The following HIP1R variants were observed in gnomAD, a reference collection of about 807,000 sequenced individuals.
HIP1R encodes the protein huntingtin-interacting protein 1-related protein.
HIP1R carries 135 observed loss-of-function variants against 144.2 expected under a neutral mutation model. The observed-to-expected ratio is 0.94, with a 90% CI of 0.81 to 1.08. The LOEUF is 1.08. Among genes scored for constraint, HIP1R ranks in the 50% least tolerant of loss-of-function variants. The pLI is 0.00. For missense variants in HIP1R, 1,462 were observed against 1,432.8 expected (o/e 1.02, Z -0.33); for synonymous variants, 698 against 612.8 (o/e 1.14, Z -2.05).
At position 122,851,364 on chromosome 12, in the gene HIP1R, G is replaced by GA; in HGVS notation, c.577+73dup. ...TAAGTCCCCAGAGATGGGACGAGAAGAAAAAAGAAGACATGAGTGATCAGA... is the reference window on the plus strand; with the variant it reads ...TAAGTCCCCAGAGATGGGACGAGAAGAAAAAAAGAAGACATGAGTGATCAGA... On this transcript the variant is annotated intron_variant, in intron 7 of 31. Transcript: ENST00000253083. The GA allele has an allele frequency of 4.5e-6, 6 of 1,330,286 alleles. 1 individual carries two copies. In the South Asian group the frequency reaches 9.3e-5, roughly 21 times the overall value. 82.4% of individuals were successfully genotyped at this position (1,330,286 alleles called of 1,614,324 possible).
At chr12:122,843,362 C>T (rs1010783449) in intron 1 of HIP1R, among the ~76,000 whole-genome samples, 6 of 152,206 alleles carry the variant, frequency 3.9e-5, no homozygotes, top group African/African-American at 1.2e-4. Flanking sequence ...CCACCTGCTC[C>T]GAGGTTCCTT....
chr12:122,847,120 C>T (rs927560888), intron 1 of HIP1R, among the ~76,000 whole-genome samples: 3 of 152,188 alleles, frequency 2.0e-5, no homozygotes, highest in African/African-American at 7.2e-5. Flanking sequence ...CTGGACAGCT[C>T]TTCTCAGGTC....
In HIP1R at chr12:122,860,770, G is replaced by T. The variant is rs753415008; in HGVS notation, c.2752G>T (p.Val918Leu). Residue 918 changes from valine to leucine, a missense_variant, in exon 28 of 32, where the codon GTG becomes TTG. Val to Leu is a conservative substitution (Grantham distance 32). Coordinates refer to ENST00000253083, the MANE Select transcript of HIP1R (RefSeq NM_003959.3). ...GATCGCAGCCAGCACGGCCCAGCTG[G>T]TGGCGGCCTCCAAGGTGAGCTTGCA... The part of the protein sequence containing the change: ...HEIAASTAQL[V>L]AASKVKANKH... The T allele has an allele frequency of 6.2e-7, 1 of 1,612,558 alleles. No individual in the cohort carries two copies. The highest frequency in any genetic ancestry group is 8.5e-7 in the Non-Finnish European group (1 of 1,179,596).
Position 122,861,830 on chromosome 12 carries a change from T to TG in HIP1R, c.*78dup, listed in dbSNP as rs1183621036. On this transcript the variant is annotated 3_prime_UTR_variant, in exon 32 of 32. Transcript: ENST00000253083. ...CTGCCCTGACAGGACCGAGAGGCCT[T>TG]GCCCCTCCACCTGGTGCCCAAGCCT... 4 of 1,393,812 alleles carry TG rather than the reference T, an allele frequency of 2.9e-6. No individual in the cohort carries two copies. Among genetic ancestry groups the TG allele is most frequent in the Non-Finnish European group, 4.0e-6 (4 of 992,058 alleles). 86.3% of individuals were successfully genotyped at this position (1,393,812 alleles called of 1,614,324 possible).
At chr12:122,847,949 G>A in intron 1 of HIP1R, 82 bp from the exon 2 acceptor site, 1 of 1,320,016 alleles carries the variant, frequency 7.6e-7, no homozygotes. Context: ...ATCCTGTTCA[G>A]TATTGTGCTT....
chr12:122,861,581 A>G (rs1295102663), intron 31 of HIP1R, 67 bp downstream of exon 31: 3 of 1,568,560 alleles, frequency 1.9e-6, no homozygotes, highest in Non-Finnish European at 2.6e-6. Flanking sequence ...AGAGGGGCAC[A>G]TGGTGCACGT....
intron 1 of HIP1R, among the ~76,000 whole-genome samples, chr12:122,846,951 C>G (rs137965678): frequency 1.3e-5 from 2 of 152,190 alleles, no homozygotes; most frequent in Admixed American, 1.3e-4. Context: ...GGCGCAGGAG[C>G]GCTGCACTGT....
intron 7 of HIP1R, among the ~76,000 whole-genome samples, 190 bp downstream of exon 7, chr12:122,851,487 CAG>C (rs1278637627): frequency 6.6e-6 from 1 of 152,056 alleles, no homozygotes; most frequent in African/African-American, 2.4e-5. Context: ...TGCTTGAGGT[CAG>C]GGGTTCAAGA....
chr12:122,861,252 C>T, intron 30 of HIP1R, 56 bp from the exon 31 acceptor site: 3 of 1,613,374 alleles, frequency 1.9e-6, no homozygotes, highest in Admixed American at 1.7e-5. Context: ...AGCCTGGACC[C>T]AGGAGAGAGC....
chr12:122,846,677 G>T (rs894194657), intron 1 of HIP1R, among the ~76,000 whole-genome samples: 2 of 152,196 alleles, frequency 1.3e-5, no homozygotes, highest in South Asian at 2.1e-4. Context: ...GCTCAGGGCA[G>T]CCCCAGGACA....
At chr12:122,854,756 G>A (rs2033510357) in intron 8 of HIP1R, 149 bp from the exon 9 acceptor site, 2 of 743,764 alleles carry the variant, frequency 2.7e-6, no homozygotes, top group Admixed American at 2.9e-5. Context: ...TCTCCCACAG[G>A]TCTCCCCATC....
At chr12:122,844,496 T>A (rs1022253641) in intron 1 of HIP1R, among the ~76,000 whole-genome samples, 1 of 152,170 alleles carries the variant, frequency 6.6e-6, no homozygotes, top group Admixed American at 6.5e-5. Context: ...CCCCTCCCTG[T>A]TGTGCCCAGC....
Position 122,850,911 on chromosome 12 carries a change from T to C in HIP1R, c.515T>C (p.Ile172Thr), listed in dbSNP as rs2033373696. Residue 172 changes from isoleucine to threonine, a missense_variant and splice_region_variant, in exon 6 of 32, where the codon ATC (isoleucine) becomes ACC (threonine). By Grantham distance (89) the Ile-to-Thr change is moderately conservative. Coordinates refer to ENST00000253083, the MANE Select transcript of HIP1R (RefSeq NM_003959.3). ...GCAGCTGGGACCGATGTCAACAACA[T>C]GTGAGTCACTCTGCATGGCTACATA... ...EKAAGTDVNN[I>T]FQLTVEMFDY... 5 of 1,609,830 alleles carry C rather than the reference T, an allele frequency of 3.1e-6. No individual in the cohort carries two copies. Among genetic ancestry groups the C allele is most frequent in the East Asian group, 2.2e-5 (1 of 44,602 alleles).
intron 5 of HIP1R, 86 bp downstream of exon 5, chr12:122,850,041 G>C (rs762485840): frequency 2.3e-6 from 2 of 887,184 alleles, no homozygotes; most frequent in Non-Finnish European, 3.8e-6. Flanking sequence ...GACATCGAGG[G>C]TGGGATCTGT....
chr12:122,856,836 G>A (rs1299919916), intron 17 of HIP1R, 110 bp downstream of exon 17: 20 of 1,112,306 alleles, frequency 1.8e-5, no homozygotes, highest in Non-Finnish European at 2.6e-5. Flanking sequence ...CGGTGATCCT[G>A]GGATGCAGCC....
chr12:122,855,457 G>GC lies in HIP1R; in HGVS notation c.993+54dup, dbSNP rs1368686034. On this transcript the variant is annotated intron_variant, in intron 11 of 31. Transcript: ENST00000253083. Reference sequence around the variant, plus strand: ...CCCAGTCCTCCAGCTGCAGCATGAGGCCAACGGGAGTGTCGGGTGGCCAGC... The same window carrying GC: ...CCCAGTCCTCCAGCTGCAGCATGAGGCCCAACGGGAGTGTCGGGTGGCCAGC... 11 of 1,548,822 alleles carry GC rather than the reference G, an allele frequency of 7.1e-6. No individual in the cohort carries two copies. The African/African-American group carries it at 9.6e-5, about 14-fold the overall frequency.
intron 4 of HIP1R, among the ~76,000 whole-genome samples, chr12:122,849,631 T>C (rs2033315226): frequency 6.6e-6 from 1 of 152,228 alleles, no homozygotes; most frequent in Non-Finnish European, 1.5e-5. Flanking sequence ...GCGTCCCTGC[T>C]CAGAACTGGC....
chr12:122,858,541 G>T, intron 20 of HIP1R, 106 bp downstream of exon 20: 1 of 925,500 alleles, frequency 1.1e-6, no homozygotes, highest in East Asian at 2.6e-5. Context: ...GGACCTCTCT[G>T]GGAAGCCAAG....
chr12:122,858,053 T>C (rs773150952), intron 18 of HIP1R, 49 bp from the exon 19 acceptor site: 82 of 1,420,836 alleles, frequency 5.8e-5, no homozygotes, highest in Non-Finnish European at 7.3e-5. Flanking sequence ...GGGCACATCC[T>C]TGGCCTTGGG....
Sources: allele counts gnomAD v4.1 joint callset (sites outside exome capture counted in the v4.1 genomes callset), GRCh38; gene constraint gnomAD v4.1.1; transcripts MANE v1.5; gene names NCBI Gene and HGNC (gene_info 2026-07-23, HGNC 2026-07-21).